CTNNA2: variants seen among roughly 807,000 people sequenced by gnomAD.
The protein encoded by CTNNA2 is catenin alpha-2.
CTNNA2 carries 42 observed loss-of-function variants against 101.0 expected under a neutral mutation model. That is an observed-to-expected ratio of 0.42 (90% CI 0.32 to 0.54). CTNNA2 has a LOEUF of 0.54. Ranked by LOEUF, CTNNA2 falls within the 20% of genes least tolerant of loss-of-function variation. CTNNA2 has a pLI of 0.14. For missense variants in CTNNA2, 871 were observed against 1,223.1 expected (o/e 0.71, Z 4.29); for synonymous variants, 450 against 456.4 (o/e 0.99, Z 0.18).
intron 7 of CTNNA2, among the ~76,000 whole-genome samples, chr2:80,285,149 C>T (rs535285479): frequency 6.6e-6 from 1 of 152,108 alleles, no homozygotes; most frequent in Non-Finnish European, 1.5e-5. Flanking sequence ...ACTGGCAAAA[C>T]CAGACCATGA....
intron 7 of CTNNA2, among the ~76,000 whole-genome samples, chr2:80,365,446 A>T: frequency 6.6e-6 from 1 of 152,102 alleles, no homozygotes; most frequent in South Asian, 2.1e-4. Flanking sequence ...TTTGTAAATT[A>T]TTTTTTACAT....
intron 2 of CTNNA2, among the ~76,000 whole-genome samples, chr2:79,311,009 A>T (rs548157958): frequency 1.3e-5 from 2 of 152,188 alleles, no homozygotes; most frequent in Non-Finnish European, 2.9e-5. Flanking sequence ...TTTGAGGAAT[A>T]AAGAAAGCAC....
intron 7 of CTNNA2, among the ~76,000 whole-genome samples, chr2:80,005,796 A>C (rs1038005080): frequency 3.3e-5 from 5 of 151,764 alleles, no homozygotes; most frequent in Admixed American, 2.0e-4. Context: ...AAACAAGCAC[A>C]GCTAAAGAAT....
At chr2:79,651,783 A>G in intron 2 of CTNNA2, 125 bp downstream of exon 2, 1 of 777,104 alleles carries the variant, frequency 1.3e-6, no homozygotes, top group East Asian at 2.7e-5. Flanking sequence ...ATTACTGAAT[A>G]TATATTACTG....
intron 7 of CTNNA2, among the ~76,000 whole-genome samples, chr2:80,191,114 G>A (rs1706472568): frequency 6.6e-6 from 1 of 152,190 alleles, no homozygotes; most frequent in Admixed American, 6.5e-5. Context: ...AAATCAGACA[G>A]CATTTTCCTG....
At chr2:79,822,760 C>T (rs1207631797) in intron 3 of CTNNA2, among the ~76,000 whole-genome samples, 1 of 152,180 alleles carries the variant, frequency 6.6e-6, no homozygotes, top group Non-Finnish European at 1.5e-5. Context: ...CTTCAAGACA[C>T]ACACCTTATA....
chr2:80,394,976 T>G lies in CTNNA2; in HGVS notation c.1137+1685T>G, dbSNP rs566632111. Among the ~76,000 whole-genome samples, 73 of 152,278 alleles carry G rather than the reference T, an allele frequency of 4.8e-4. 1 individual carries two copies. In the South Asian group the frequency reaches 0.015, roughly 31 times the overall value. On this transcript the variant is annotated intron_variant, in intron 8 of 18. Coordinates refer to ENST00000402739, the MANE Select transcript of CTNNA2 (RefSeq NM_001282597.3). ...CCTTGGTCTCAGTAGTGATTACATT[T>G]TTTTTTACATTCAAGAACAAGCCCC... is the stretch of plus-strand genomic sequence containing the variant.
intron 9 of CTNNA2, among the ~76,000 whole-genome samples, chr2:80,421,158 A>G (rs1194018056): frequency 6.6e-6 from 1 of 151,572 alleles, no homozygotes; most frequent in Non-Finnish European, 1.5e-5. Flanking sequence ...GAGGAGGAGG[A>G]AAAAAAAATA....
At chr2:80,555,207 CATGTGT>C (rs1692926491) in intron 11 of CTNNA2, among the ~76,000 whole-genome samples, 1 of 152,150 alleles carries the variant, frequency 6.6e-6, no homozygotes, top group Non-Finnish European at 1.5e-5. Flanking sequence ...ATTAAAGAAA[CATGTGT>C]CCAAAGCTTT....
At chr2:80,434,655 C>T (rs376798621) in intron 9 of CTNNA2, among the ~76,000 whole-genome samples, 2 of 151,782 alleles carry the variant, frequency 1.3e-5, no homozygotes, top group Non-Finnish European at 2.9e-5. Flanking sequence ...TTTGTAGAGA[C>T]AGGGTTTTGC....
At chr2:79,487,335 T>C (rs1180629802) in intron 4 of CTNNA2, among the ~76,000 whole-genome samples, 1 of 152,234 alleles carries the variant, frequency 6.6e-6, no homozygotes, top group Non-Finnish European at 1.5e-5. Context: ...AATTTGTTTC[T>C]TTTCATATAA....
At chr2:79,294,241 G>GAAGAAGAAGAAGAAGAAGAAGAAGAA (rs397973299) in intron 2 of CTNNA2, among the ~76,000 whole-genome samples, 30 of 133,246 alleles carry the variant, frequency 2.3e-4, no homozygotes, top group African/African-American at 8.2e-4. Flanking sequence ...AAGAAGAAGA[G>GAAGAAGAAGAAGAAGAAGAAGAAGAA]GAGGAGGAGG....
chr2:79,403,526 A>G (rs1250986726), intron 4 of CTNNA2, among the ~76,000 whole-genome samples: 1 of 152,014 alleles, frequency 6.6e-6, no homozygotes, highest in Admixed American at 6.6e-5. Flanking sequence ...ATAATCAGAG[A>G]AAGCTCTATG....
chr2:79,529,313 G>A (rs540704697), intron 1 of CTNNA2, among the ~76,000 whole-genome samples: 28 of 152,288 alleles, frequency 1.8e-4, no homozygotes, highest in African/African-American at 6.3e-4. Context: ...AAGGCTAACC[G>A]TGAACGTTAT....
chr2:79,699,832 C>CGT (rs1553453391), intron 2 of CTNNA2, among the ~76,000 whole-genome samples: 51,373 of 136,880 alleles, frequency 0.38, 9,955 homozygotes, highest in Admixed American at 0.43. Context: ...CACACACACA[C>CGT]GTGTGTGTAT....
intron 7 of CTNNA2, among the ~76,000 whole-genome samples, chr2:80,048,064 G>C (rs1696643063): frequency 6.6e-6 from 1 of 152,108 alleles, no homozygotes; most frequent in Non-Finnish European, 1.5e-5. Flanking sequence ...TGGGTCACTT[G>C]ATGAAAATAA....
At chr2:79,669,200 G>A (rs898485514) in intron 2 of CTNNA2, among the ~76,000 whole-genome samples, 2 of 152,226 alleles carry the variant, frequency 1.3e-5, no homozygotes, top group Non-Finnish European at 2.9e-5. Context: ...TAATTCTTAA[G>A]ATTTTTAAAT....
intron 7 of CTNNA2, among the ~76,000 whole-genome samples, chr2:80,364,710 C>T (rs1343646431): frequency 2.0e-5 from 3 of 152,052 alleles, no homozygotes; most frequent in African/African-American, 7.2e-5. Context: ...AACACTTCAA[C>T]TCATTAGAGA....
rs553156961 is a variant in CTNNA2, at chr2:80,166,888, T to C, written c.1057-226323T>C. On this transcript the variant is annotated intron_variant, in intron 7 of 18. Coordinates refer to ENST00000402739, the MANE Select transcript of CTNNA2 (RefSeq NM_001282597.3). Reference sequence around the variant, plus strand: ...GTTTTCTGTCAGAATTAGGAAGCAGTTTGTTTTTCTTTTAGGTTGGGTCTT... The same window carrying C: ...GTTTTCTGTCAGAATTAGGAAGCAGCTTGTTTTTCTTTTAGGTTGGGTCTT... Among the ~76,000 whole-genome samples the C allele has an allele frequency of 4.6e-5, 7 of 152,118 alleles. 1 individual carries two copies. The South Asian group carries it at 1.0e-3, about 23-fold the overall frequency.
Sources: gnomAD v4.1 joint callset for allele counts (sites outside exome capture counted in the v4.1 genomes callset) on GRCh38, gnomAD v4.1.1 for gene constraint, MANE v1.5 for transcripts, NCBI Gene and HGNC (gene_info 2026-07-23, HGNC 2026-07-21) for gene names.